Variants in UNC5D observed in about 807,000 individuals in gnomAD.
UNC5D encodes unc-5 netrin receptor D, also known as netrin receptor UNC5D.
A neutral mutation model predicts 105.4 loss-of-function variants in UNC5D; 39 were observed. The ratio of observed to expected loss-of-function variants is 0.37; its 90% CI spans 0.29 to 0.48. The LOEUF (loss-of-function observed/expected upper bound fraction) is 0.48. Ranked by LOEUF, UNC5D falls within the 20% of genes least tolerant of loss-of-function variation. The pLI is 0.98. For missense variants in UNC5D, 991 were observed against 1,202.4 expected (o/e 0.82, Z 2.60); for synonymous variants, 452 against 450.4 (o/e 1.00, Z -0.04).
At position 35,357,233 on chromosome 8, in the gene UNC5D, T is replaced by C. The variant is rs537579517; in HGVS notation, c.103+121346T>C. 9.3e-4 allele frequency among the ~76,000 whole-genome samples: 142 copies of C among 152,314 alleles called. 1 individual carries two copies. The highest frequency in any genetic ancestry group is 8.1e-3 in the South Asian group (39 of 4,832). On this transcript the variant is annotated intron_variant, in intron 1 of 16. Coordinates refer to ENST00000404895, the MANE Select transcript of UNC5D (RefSeq NM_080872.4). ...TCTCAGCTTAAATTCCTTTAATTAATGGCTTTGTTACCACGAGAAAAAAGT... is the reference window on the plus strand; with the variant it reads ...TCTCAGCTTAAATTCCTTTAATTAACGGCTTTGTTACCACGAGAAAAAAGT...
intron 1 of UNC5D, among the ~76,000 whole-genome samples, chr8:35,495,458 C>CAAAA (rs71547636): frequency 1.2e-3 from 54 of 44,510 alleles, no homozygotes; most frequent in African/African-American, 1.9e-3. Context: ...ACAACAACAA[C>CAAAA]AAAAAAAAAA....
At position 35,794,675 on chromosome 8, in the gene UNC5D, T is replaced by C. The variant is rs966682157; in HGVS notation, c.*4112T>C. The C allele has an allele frequency of 1.3e-5, 2 of 152,644 alleles. No individual in the cohort carries two copies. The highest frequency in any genetic ancestry group is 2.9e-5 in the Non-Finnish European group (2 of 68,030). 9.5% of individuals were successfully genotyped at this position (152,644 alleles called of 1,614,324 possible). A position where few individuals can be genotyped will look rare whatever the true frequency, so the allele number is the denominator to read the frequency against. ...TGTTACTAATCTTAGATGTGTTGCA[T>C]ATTTTGTGTTTTTACGTTCCAAACT... On this transcript the variant is annotated 3_prime_UTR_variant, in exon 17 of 17. Coordinates refer to ENST00000404895, the MANE Select transcript of UNC5D (RefSeq NM_080872.4).
chr8:35,467,809 G>A (rs979745966), intron 1 of UNC5D, among the ~76,000 whole-genome samples: 1 of 152,220 alleles, frequency 6.6e-6, no homozygotes, highest in East Asian at 1.9e-4. Flanking sequence ...TAATCATGGA[G>A]TGTGTTTCTG....
rs910433615 is a variant in UNC5D, at chr8:35,681,868, T to C, written c.571-1679T>C. Among the ~76,000 whole-genome samples the C allele has an allele frequency of 2.0e-5, 3 of 152,262 alleles. No homozygotes were observed. The East Asian group carries it at 5.8e-4, about 29-fold the overall frequency. On this transcript the variant is annotated intron_variant, in intron 4 of 16. Coordinates refer to ENST00000404895, the MANE Select transcript of UNC5D (RefSeq NM_080872.4). Reference sequence around the variant, plus strand: ...CATGGGGTGGTACTTGGGGTAAGTATGGAAGGATCCTAATATGTTTTCCCC... The same window carrying C: ...CATGGGGTGGTACTTGGGGTAAGTACGGAAGGATCCTAATATGTTTTCCCC...
intron 1 of UNC5D, among the ~76,000 whole-genome samples, chr8:35,324,429 C>A (rs1356605059): frequency 1.6e-5 from 1 of 64,462 alleles, no homozygotes; most frequent in East Asian, 1.2e-3. Flanking sequence ...TCATTTCCAT[C>A]TTTTGTTTTT....
rs562717930 is a variant in UNC5D at position 35,719,096 on chromosome 8, G to A, written c.1118-3114G>A. ...GGGAGTTGAGTGTGTTCTTGTGTGCGTGTGATGATTCTTCAGGGGCACTGC... is the reference window on the plus strand; with the variant it reads ...GGGAGTTGAGTGTGTTCTTGTGTGCATGTGATGATTCTTCAGGGGCACTGC... On this transcript the variant is annotated intron_variant, in intron 8 of 16. Coordinates refer to ENST00000404895, the MANE Select transcript of UNC5D (RefSeq NM_080872.4). Among the ~76,000 whole-genome samples, 49 of 151,230 alleles carry A rather than the reference G, an allele frequency of 3.2e-4. No individual in the cohort carries two copies. The South Asian group carries it at 6.1e-3, about 19-fold the overall frequency.
At chr8:35,565,870 A>G (rs1817300533) in intron 2 of UNC5D, among the ~76,000 whole-genome samples, 1 of 152,132 alleles carries the variant, frequency 6.6e-6, no homozygotes, top group African/African-American at 2.4e-5. Flanking sequence ...GAAACTTTTT[A>G]AAAACCTTCC....
At chr8:35,312,523 A>G (rs1433038628) in intron 1 of UNC5D, among the ~76,000 whole-genome samples, 2 of 152,188 alleles carry the variant, frequency 1.3e-5, no homozygotes, top group African/African-American at 4.8e-5. Context: ...TCATCTGTCT[A>G]TGTGACTAAG....
chr8:35,447,770 T>G (rs1285782483), intron 1 of UNC5D, among the ~76,000 whole-genome samples: 1 of 152,062 alleles, frequency 6.6e-6, no homozygotes, highest in Non-Finnish European at 1.5e-5. Flanking sequence ...CATTTATTAT[T>G]CATCCTCTAC....
intron 3 of UNC5D, among the ~76,000 whole-genome samples, chr8:35,591,055 C>T (rs1477611530): frequency 1.3e-5 from 2 of 152,014 alleles, no homozygotes; most frequent in African/African-American, 4.8e-5. Flanking sequence ...GTTTTTAAAA[C>T]CGACAACTTC....
chr8:35,493,244 A>G (rs946198804), intron 1 of UNC5D, among the ~76,000 whole-genome samples: 30 of 148,590 alleles, frequency 2.0e-4, no homozygotes, highest in African/African-American at 6.0e-4. Context: ...CTTTAATTTC[A>G]CTAACAATTA....
chr8:35,380,198 GGAGAGAGAGAGAGA>G (rs35266582), intron 1 of UNC5D, among the ~76,000 whole-genome samples: 5 of 135,240 alleles, frequency 3.7e-5, no homozygotes, highest in South Asian at 2.5e-4. Context: ...AGACCGAGAG[GGAGAGAGAGAGAGA>G]GAGAGAGAGG....
intron 1 of UNC5D, among the ~76,000 whole-genome samples, chr8:35,387,142 C>T (rs1256248683): frequency 1.3e-5 from 2 of 151,832 alleles, no homozygotes; most frequent in South Asian, 2.1e-4. Flanking sequence ...GGGCAGATCA[C>T]GAGGTCAGGA....
intron 4 of UNC5D, among the ~76,000 whole-genome samples, chr8:35,629,131 C>T (rs188838240): frequency 7.0e-4 from 106 of 152,258 alleles, no homozygotes; most frequent in Middle Eastern, 3.4e-3. Flanking sequence ...GCCTTTTTCT[C>T]CCCACCTAAA....
chr8:35,796,180 G>A lies in UNC5D; in HGVS notation c.*5617G>A, dbSNP rs1803245517. The A allele has an allele frequency of 6.6e-6, 1 of 152,120 alleles. No individual in the cohort carries two copies. Among genetic ancestry groups the A allele is most frequent in the African/African-American group, 2.4e-5 (1 of 41,412 alleles). The allele number at this position is 152,120 out of a possible 1,614,324, so 9.4% of individuals were successfully genotyped here. On this transcript the variant is annotated 3_prime_UTR_variant, in exon 17 of 17. Coordinates refer to ENST00000404895, the MANE Select transcript of UNC5D (RefSeq NM_080872.4). ...TGAAGCTGAAGGACTGAGCAAGCCA[G>A]AGGAGAGAGGTTGAATGAAGCATAG...
intron 7 of UNC5D, among the ~76,000 whole-genome samples, chr8:35,702,413 A>G (rs1199289975): frequency 6.6e-6 from 1 of 152,076 alleles, no homozygotes; most frequent in Non-Finnish European, 1.5e-5. Flanking sequence ...TATTTGTTTG[A>G]AAAGCTCCCC....
chr8:35,579,034 C>T (rs1818300470), intron 3 of UNC5D, among the ~76,000 whole-genome samples: 1 of 152,110 alleles, frequency 6.6e-6, no homozygotes, highest in Non-Finnish European at 1.5e-5. Context: ...GGAAGATGGC[C>T]ATTTCCATAA....
chr8:35,557,470 G>GCC (rs1816634965), intron 2 of UNC5D, among the ~76,000 whole-genome samples: 1 of 152,166 alleles, frequency 6.6e-6, no homozygotes, highest in East Asian at 1.9e-4. Flanking sequence ...AAGACATTTA[G>GCC]CCCTAATTAA....
intron 1 of UNC5D, among the ~76,000 whole-genome samples, chr8:35,343,449 G>C (rs924665086): frequency 6.6e-6 from 1 of 151,984 alleles, no homozygotes; most frequent in Non-Finnish European, 1.5e-5. Flanking sequence ...TTCATTGTAT[G>C]ATACACAGTC....
Sources: gnomAD v4.1 joint callset for allele counts (sites outside exome capture counted in the v4.1 genomes callset) on GRCh38, gnomAD v4.1.1 for gene constraint, MANE v1.5 for transcripts, NCBI Gene and HGNC (gene_info 2026-07-23, HGNC 2026-07-21) for gene names.